Variants in SEM1 observed in about 807,000 individuals in gnomAD.
The protein encoded by SEM1 is SEM1 26S proteasome subunit.
In SEM1, 3 loss-of-function variants were observed where a neutral mutation model predicts 12.7. That is an observed-to-expected ratio of 0.24 (90% CI 0.11 to 0.61). The LOEUF (loss-of-function observed/expected upper bound fraction) is 0.61, where lower values mean the gene tolerates loss of function less well. SEM1 is among the 20% of genes least tolerant of loss of function. The probability of loss-of-function intolerance (pLI) is 0.88; values close to 1 mark genes in which losing one functional copy is unlikely to be tolerated. For synonymous variants in SEM1, 30 were observed against 27.8 expected, an observed-to-expected ratio of 1.08 and a Z score of -0.25; for missense variants, 59 against 81.3, an observed-to-expected ratio of 0.73 and a Z score of 1.06.
chr7:96,574,710 T>G (rs1806150307), intron 2 of SEM1, among the ~76,000 whole-genome samples: 1 of 152,196 alleles, frequency 6.6e-6, no homozygotes, highest in East Asian at 1.9e-4. Flanking sequence ...TTTCATTGAG[T>G]TGATCTTCAA....
At chr7:96,674,271 A>G (rs1464429788) in intron 2 of SEM1, among the ~76,000 whole-genome samples, 1 of 152,224 alleles carries the variant, frequency 6.6e-6, no homozygotes, top group Non-Finnish European at 1.5e-5. Context: ...CCAACAAAAT[A>G]GGTAAATCAA....
intron 2 of SEM1, among the ~76,000 whole-genome samples, chr7:96,540,955 A>G (rs1185030312): frequency 1.3e-5 from 2 of 151,928 alleles, no homozygotes; most frequent in African/African-American, 2.4e-5. Context: ...CACAGCATAT[A>G]TGGACCACAT....
intron 3 of SEM1, among the ~76,000 whole-genome samples, chr7:96,484,490 C>T (rs1302382340): frequency 2.6e-5 from 4 of 152,132 alleles, no homozygotes; most frequent in Admixed American, 6.5e-5. Flanking sequence ...GTGTCTCACT[C>T]TAAGTCAGTA....
chr7:96,534,760 T>A (rs996165659), intron 2 of SEM1, among the ~76,000 whole-genome samples: 2 of 152,084 alleles, frequency 1.3e-5, no homozygotes, highest in African/African-American at 4.8e-5. Flanking sequence ...ACTTACCTTG[T>A]ATTAAGCCAG....
chr7:96,652,704 T>C lies in SEM1; in HGVS notation c.171-30061A>G, dbSNP rs190886363. On this transcript the variant is annotated intron_variant, in intron 2 of 2. Transcript: ENST00000417009. ...ATCTTCAGTTATGTTTCCCAAAGAA[T>C]GAAGTACAGTTTTTCCCAATTTGTA... Among the ~76,000 whole-genome samples the C allele has an allele frequency of 1.1e-4, 16 of 152,308 alleles. No individual in the cohort carries two copies. In the East Asian group the frequency reaches 3.1e-3, roughly 29 times the overall value.
At chr7:96,616,311 T>C (rs1430846749) in intron 2 of SEM1, among the ~76,000 whole-genome samples, 1 of 152,226 alleles carries the variant, frequency 6.6e-6, no homozygotes, top group Non-Finnish European at 1.5e-5. Context: ...TGAACATTTT[T>C]TCATGTTTCT....
intron 1 of SEM1, among the ~76,000 whole-genome samples, chr7:96,708,745 G>A (rs1187808646): frequency 6.6e-6 from 1 of 152,174 alleles, no homozygotes; most frequent in Non-Finnish European, 1.5e-5. Flanking sequence ...TGAGACATCA[G>A]AAGGTTTCTT....
At chr7:96,588,375 C>G (rs1355079056) in intron 2 of SEM1, among the ~76,000 whole-genome samples, 2 of 123,448 alleles carry the variant, frequency 1.6e-5, no homozygotes, top group Non-Finnish European at 3.4e-5. Context: ...CACACACACA[C>G]ACACACACAC....
At chr7:96,664,605 C>A (rs1381998277) in intron 2 of SEM1, among the ~76,000 whole-genome samples, 2 of 152,190 alleles carry the variant, frequency 1.3e-5, no homozygotes, top group African/African-American at 2.4e-5. Context: ...TTAATCCCAT[C>A]TGCACATTCA....
chr7:96,585,526 C>T (rs944880604), intron 2 of SEM1, among the ~76,000 whole-genome samples: 5 of 152,254 alleles, frequency 3.3e-5, no homozygotes, highest in African/African-American at 1.2e-4. Flanking sequence ...CTTTGTTTAC[C>T]TAAGCAAGCC....
chr7:96,644,396 G>T (rs555715559), intron 2 of SEM1, among the ~76,000 whole-genome samples: 2 of 152,162 alleles, frequency 1.3e-5, no homozygotes, highest in South Asian at 4.2e-4. Context: ...GTAAGGTTTG[G>T]TTTCCTGTCT....
At chr7:96,555,064 T>G in intron 2 of SEM1, among the ~76,000 whole-genome samples, 1 of 145,284 alleles carries the variant, frequency 6.9e-6, no homozygotes, top group South Asian at 2.1e-4. Context: ...CATTTTTTAT[T>G]GCGTCTATTT....
chr7:96,563,432 C>A (rs1490130728), intron 2 of SEM1, among the ~76,000 whole-genome samples: 1 of 152,022 alleles, frequency 6.6e-6, no homozygotes, highest in Non-Finnish European at 1.5e-5. Context: ...GCAGCATAAA[C>A]AACACTCTTA....
chr7:96,641,879 A>C (rs1435141799), intron 2 of SEM1, among the ~76,000 whole-genome samples: 2 of 151,854 alleles, frequency 1.3e-5, no homozygotes, highest in Middle Eastern at 3.2e-3. Flanking sequence ...TCCAAACAAA[A>C]TTAATAGGTG....
intron 2 of SEM1, among the ~76,000 whole-genome samples, chr7:96,568,034 C>A (rs1392387710): frequency 6.6e-6 from 1 of 151,472 alleles, no homozygotes; most frequent in African/African-American, 2.4e-5. Flanking sequence ...AAAAGTTTTT[C>A]TTCGATCTCT....
At chr7:96,590,959 T>G (rs942444983) in intron 2 of SEM1, among the ~76,000 whole-genome samples, 1 of 152,200 alleles carries the variant, frequency 6.6e-6, no homozygotes, top group Non-Finnish European at 1.5e-5. Context: ...AACACTTTTC[T>G]TGATGAAACT....
intron 1 of SEM1, among the ~76,000 whole-genome samples, chr7:96,699,242 T>C (rs1219939665): frequency 1.3e-5 from 2 of 152,186 alleles, no homozygotes; most frequent in African/African-American, 4.8e-5. Context: ...CCTCCCTTAC[T>C]GTTGTGGCAT....
intron 2 of SEM1, among the ~76,000 whole-genome samples, chr7:96,545,451 A>G (rs1371450544): frequency 6.6e-6 from 1 of 151,978 alleles, no homozygotes; most frequent in Non-Finnish European, 1.5e-5. Context: ...AACATTCCAT[A>G]TGAGGGGAAA....
chr7:96,585,234 G>T (rs556524686), intron 2 of SEM1, among the ~76,000 whole-genome samples: 1 of 152,306 alleles, frequency 6.6e-6, no homozygotes, highest in East Asian at 1.9e-4. Context: ...TGCCGTGTGA[G>T]GTGTCAGTCT....
Sources: gnomAD v4.1 joint callset for allele counts (sites outside exome capture counted in the v4.1 genomes callset) on GRCh38, gnomAD v4.1.1 for gene constraint, MANE v1.5 for transcripts, NCBI Gene and HGNC (gene_info 2026-07-23, HGNC 2026-07-21) for gene names.